The following TXNRD1 variants were observed in gnomAD, a reference collection of about 807,000 sequenced individuals.
The protein encoded by TXNRD1 is thioredoxin reductase 1, also known as thioredoxin reductase 1, cytoplasmic.
Under a neutral mutation model 80.3 loss-of-function variants are expected in TXNRD1, and 57 were observed. That is an observed-to-expected ratio of 0.71 (90% CI 0.57 to 0.89). TXNRD1 has a LOEUF of 0.89. Ranked by LOEUF, TXNRD1 falls within the 40% of genes least tolerant of loss-of-function variation. The pLI is 0.00. For missense variants in TXNRD1, 730 were observed against 803.0 expected, an observed-to-expected ratio of 0.91 and a Z score of 1.10; for synonymous variants, 291 against 285.2, an observed-to-expected ratio of 1.02 and a Z score of -0.20.
At chr12:104,317,365 CTTTTTTTTT>C (rs68031758) in intron 7 of TXNRD1, among the ~76,000 whole-genome samples, 1 of 116,334 alleles carries the variant, frequency 8.6e-6, no homozygotes, top group Non-Finnish European at 1.7e-5. Flanking sequence ...TCTGCAGTTA[CTTTTTTTTT>C]TTTTTTTTTT....
intron 15 of TXNRD1, among the ~76,000 whole-genome samples, chr12:104,338,865 C>T (rs542574176): frequency 8.5e-5 from 13 of 152,052 alleles, no homozygotes; most frequent in South Asian, 8.3e-4. Flanking sequence ...TACAGGCACC[C>T]GCCACCACGC....
At chr12:104,307,026 T>C (rs892452778) in intron 4 of TXNRD1, among the ~76,000 whole-genome samples, 7 of 152,202 alleles carry the variant, frequency 4.6e-5, no homozygotes, top group Non-Finnish European at 8.8e-5. Context: ...TTTTTGGTCT[T>C]CTCTAAAGTT....
chr12:104,220,727 A>C (rs2032331864), intron 1 of TXNRD1, among the ~76,000 whole-genome samples: 1 of 51,888 alleles, frequency 1.9e-5, no homozygotes, highest in Admixed American at 1.6e-4. Flanking sequence ...CTCCGTCTCC[A>C]AAAAAAAAAA....
At chr12:104,327,275 C>G (rs1340427276) in intron 12 of TXNRD1, among the ~76,000 whole-genome samples, 3 of 152,134 alleles carry the variant, frequency 2.0e-5, no homozygotes, top group South Asian at 4.1e-4. Flanking sequence ...TGTTGGAGTT[C>G]TTCCATTCTC....
At chr12:104,315,651 T>C (rs1371019211) in intron 6 of TXNRD1, 126 bp from the exon 7 acceptor site, 1 of 1,115,410 alleles carries the variant, frequency 9.0e-7, no homozygotes, top group Non-Finnish European at 1.2e-6. Context: ...TAAACTTTAT[T>C]ACTGACCACA....
intron 5 of TXNRD1, among the ~76,000 whole-genome samples, chr12:104,311,911 G>C (rs1044991816): frequency 2.0e-5 from 3 of 152,018 alleles, no homozygotes; most frequent in African/African-American, 7.3e-5. Context: ...AACCTTGGAG[G>C]CCGAGTTTGC....
At chr12:104,342,437 A>G (rs966181823) in intron 16 of TXNRD1, among the ~76,000 whole-genome samples, 5 of 152,180 alleles carry the variant, frequency 3.3e-5, no homozygotes, top group African/African-American at 4.8e-5. Flanking sequence ...TGGAAGACCA[A>G]ATACATATTT....
intron 16 of TXNRD1, among the ~76,000 whole-genome samples, chr12:104,345,566 A>G (rs145776657): frequency 1.3e-5 from 2 of 152,314 alleles, no homozygotes; most frequent in African/African-American, 2.4e-5. Flanking sequence ...TGCCGTATTC[A>G]GTGTGAGATG....
At chr12:104,309,059 G>A (rs971782154) in intron 4 of TXNRD1, among the ~76,000 whole-genome samples, 11 of 151,982 alleles carry the variant, frequency 7.2e-5, no homozygotes, top group South Asian at 6.2e-4. Flanking sequence ...CTCCACGCCC[G>A]GCTAATTTTT....
At chr12:104,266,508 G>T (rs1423425766) in intron 3 of TXNRD1, among the ~76,000 whole-genome samples, 1 of 125,832 alleles carries the variant, frequency 7.9e-6, no homozygotes, top group East Asian at 2.8e-4. Flanking sequence ...TCTGGTGACA[G>T]AGCGAGAATT....
intron 4 of TXNRD1, among the ~76,000 whole-genome samples, chr12:104,298,804 TAC>T (rs998446411): frequency 3.0e-5 from 4 of 134,724 alleles, no homozygotes; most frequent in Admixed American, 2.1e-4. Flanking sequence ...CTGGTTTGTA[TAC>T]AGTTTTTTTT....
chr12:104,312,004 G>A (rs34556325), intron 5 of TXNRD1, among the ~76,000 whole-genome samples: 1 of 40,558 alleles, frequency 2.5e-5, no homozygotes, highest in African/African-American at 6.5e-5. Context: ...ATATATATGT[G>A]TATATATATG....
At chr12:104,232,027 T>A (rs937394139) in intron 1 of TXNRD1, among the ~76,000 whole-genome samples, 5 of 152,256 alleles carry the variant, frequency 3.3e-5, no homozygotes, top group Non-Finnish European at 7.3e-5. Context: ...TGTGTGTTGT[T>A]CATAGAATAA....
intron 13 of TXNRD1, among the ~76,000 whole-genome samples, chr12:104,330,940 A>C (rs1565909096): frequency 6.6e-6 from 1 of 152,144 alleles, no homozygotes; most frequent in Admixed American, 6.5e-5. Context: ...GTACTACAGC[A>C]ATGTTCAGTT....
At chr12:104,282,571 C>T (rs939611418) in intron 3 of TXNRD1, among the ~76,000 whole-genome samples, 4 of 152,128 alleles carry the variant, frequency 2.6e-5, no homozygotes, top group African/African-American at 7.2e-5. Flanking sequence ...GACTTCCCTA[C>T]CCTACTTTAT....
At chr12:104,313,200 G>A in intron 5 of TXNRD1, 45 bp from the exon 6 acceptor site, 1 of 1,476,250 alleles carries the variant, frequency 6.8e-7, no homozygotes, top group Non-Finnish European at 9.3e-7. Flanking sequence ...TTTCCAATCT[G>A]TCATGTTAAC....
chr12:104,227,395 A>G (rs1484668014), intron 1 of TXNRD1, among the ~76,000 whole-genome samples: 1 of 151,978 alleles, frequency 6.6e-6, no homozygotes, highest in African/African-American at 2.4e-5. Flanking sequence ...CTGAGTAGCT[A>G]TGACCACAGG....
chr12:104,325,015 G>A (rs1470307249), intron 10 of TXNRD1, among the ~76,000 whole-genome samples: 2 of 152,146 alleles, frequency 1.3e-5, no homozygotes, highest in Non-Finnish European at 2.9e-5. Flanking sequence ...AGAAACCTGG[G>A]AAAAGCAGTA....
intron 1 of TXNRD1, among the ~76,000 whole-genome samples, chr12:104,222,169 A>G (rs1008959549): frequency 2.0e-5 from 3 of 152,162 alleles, no homozygotes; most frequent in African/African-American, 7.2e-5. Flanking sequence ...GCAGGTAAAT[A>G]TGGTCTGTGA....
Sources: gnomAD v4.1 joint callset for allele counts (sites outside exome capture counted in the v4.1 genomes callset) on GRCh38, gnomAD v4.1.1 for gene constraint, MANE v1.5 for transcripts, NCBI Gene and HGNC (gene_info 2026-07-23, HGNC 2026-07-21) for gene names.